Variants in AJAP1 observed in about 807,000 individuals in gnomAD.
The protein encoded by AJAP1 is adherens junctions associated protein 1, also known as adherens junction-associated protein 1.
Under a neutral mutation model 35.0 loss-of-function variants are expected in AJAP1, and 5 were observed. That is an observed-to-expected ratio of 0.14 (90% CI 0.07 to 0.30). AJAP1 has a LOEUF of 0.30. Among genes scored for constraint, AJAP1 ranks in the 10% least tolerant of loss-of-function variants. AJAP1 has a pLI of 1.00. For missense variants in AJAP1, 586 were observed against 571.0 expected, an observed-to-expected ratio of 1.03 and a Z score of -0.27; for synonymous variants, 284 against 249.3, an observed-to-expected ratio of 1.14 and a Z score of -1.31.
In AJAP1 at chr1:4,692,149, G is replaced by A. The variant is rs1488731986; in HGVS notation, c.30-19751G>A. Among the ~76,000 whole-genome samples, 1 of 152,124 alleles carries A rather than the reference G, an allele frequency of 6.6e-6. No homozygotes were observed. Among genetic ancestry groups the A allele is most frequent in the Non-Finnish European group, 1.5e-5 (1 of 68,008 alleles). The stretch of plus-strand genomic sequence containing the variant: ...ATCTCTGCATCGTTGCCGCCTTCTC[G>A]AGGGTTAGGAGTCAGCCCCGCTTAA... On this transcript the variant is annotated intron_variant, in intron 1 of 5. Coordinates refer to ENST00000378191, the MANE Select transcript of AJAP1 (RefSeq NM_018836.4). This position sits in a 1 kb window ranked among gnomAD's most constrained non-coding sequence, Gnocchi z 4.4.
chr1:4,762,281 CCCTCAGGAATGT>C (rs1395820802), intron 2 of AJAP1, among the ~76,000 whole-genome samples: 11 of 152,340 alleles, frequency 7.2e-5, no homozygotes, highest in Admixed American at 3.9e-4. Context: ...GCCCCCAATT[CCCTCAGGAATGT>C]CCTCAGGAAT....
intron 2 of AJAP1, among the ~76,000 whole-genome samples, chr1:4,730,319 A>C (rs1026977834): frequency 3.3e-5 from 5 of 152,198 alleles, no homozygotes; most frequent in African/African-American, 1.2e-4. Context: ...TGGGGAAACA[A>C]AATAGCACAC....
chr1:4,765,075 C>T (rs951638469), intron 2 of AJAP1, among the ~76,000 whole-genome samples: 3 of 152,182 alleles, frequency 2.0e-5, no homozygotes, highest in African/African-American at 7.2e-5. Flanking sequence ...ATTCCTCACG[C>T]ATTAGTATAC....
intron 2 of AJAP1, among the ~76,000 whole-genome samples, chr1:4,742,175 G>A (rs1203893059): frequency 3.3e-5 from 5 of 152,158 alleles, no homozygotes; most frequent in African/African-American, 1.2e-4. Context: ...CGCAAAGCCA[G>A]GGAGTGACTT....
At chr1:4,674,415 C>A (rs1333817234) in intron 1 of AJAP1, among the ~76,000 whole-genome samples, 1 of 152,238 alleles carries the variant, frequency 6.6e-6, no homozygotes, top group African/African-American at 2.4e-5. Flanking sequence ...AGGGGCATGC[C>A]CACTGATTTT....
chr1:4,661,382 C>G (rs992897837), intron 1 of AJAP1, among the ~76,000 whole-genome samples: 1 of 152,248 alleles, frequency 6.6e-6, no homozygotes, highest in East Asian at 1.9e-4. Context: ...CCACTCCACC[C>G]TCATGTTCCT....
intron 5 of AJAP1, among the ~76,000 whole-genome samples, chr1:4,781,875 G>T (rs1021928720): frequency 6.6e-6 from 1 of 152,198 alleles, no homozygotes; most frequent in Admixed American, 6.5e-5. Context: ...TGGCTGGGTG[G>T]GAGCCGCCCC....
At chr1:4,778,667 A>G (rs1641988541) in intron 5 of AJAP1, among the ~76,000 whole-genome samples, 1 of 151,784 alleles carries the variant, frequency 6.6e-6, no homozygotes, top group Admixed American at 6.5e-5. Flanking sequence ...CCTGAGACAC[A>G]GAGTAGAGAG....
At chr1:4,677,345 T>C (rs72637574) in intron 1 of AJAP1, among the ~76,000 whole-genome samples, 2,871 of 152,136 alleles carry the variant, frequency 0.019, 42 homozygotes, top group Middle Eastern at 0.031. Flanking sequence ...CTCCTAAAGG[T>C]TGAGGATTCT....
At chr1:4,664,485 G>T (rs1280257756) in intron 1 of AJAP1, among the ~76,000 whole-genome samples, 1 of 152,174 alleles carries the variant, frequency 6.6e-6, no homozygotes, top group Non-Finnish European at 1.5e-5. Context: ...AGCCTGTCCG[G>T]GTGGTTGGGC....
chr1:4,761,437 C>A (rs1422703506), intron 2 of AJAP1, among the ~76,000 whole-genome samples: 1 of 152,172 alleles, frequency 6.6e-6, no homozygotes, highest in East Asian at 1.9e-4. Context: ...GTCCTAGGGT[C>A]AGGGGACATG....
intron 2 of AJAP1, among the ~76,000 whole-genome samples, chr1:4,742,287 C>A (rs369758995): frequency 1.3e-5 from 2 of 152,164 alleles, no homozygotes; most frequent in South Asian, 2.1e-4. Flanking sequence ...TGATTGGAGT[C>A]GCTGAGAACA....
rs1640495347 is a variant in AJAP1, at chr1:4,720,660, C to T, written c.829+7961C>T. Among the ~76,000 whole-genome samples, 1 of 152,202 alleles carries T rather than the reference C, an allele frequency of 6.6e-6. No homozygotes were observed. Among genetic ancestry groups the T allele is most frequent in the African/African-American group, 2.4e-5 (1 of 41,450 alleles). ...ACTGAGCGCCATAGTGAGCATGCAG[C>T]CCCTAGAGTTGAGTCAGGTCTTAAA... On this transcript the variant is annotated intron_variant, in intron 2 of 5. Transcript: ENST00000378191. This position sits in a 1 kb window ranked among gnomAD's most constrained non-coding sequence, Gnocchi z 4.4.
At chr1:4,778,784 G>C (rs980172041) in intron 5 of AJAP1, among the ~76,000 whole-genome samples, 1 of 152,164 alleles carries the variant, frequency 6.6e-6, no homozygotes, top group African/African-American at 2.4e-5. Context: ...GTGGCTCCCT[G>C]CATCAGCATC....
chr1:4,665,405 A>G (rs889286415), intron 1 of AJAP1, among the ~76,000 whole-genome samples: 2 of 152,064 alleles, frequency 1.3e-5, no homozygotes, highest in Admixed American at 6.5e-5. Flanking sequence ...TTTACTGCCC[A>G]TTACTACCCT....
chr1:4,730,232 G>A (rs776626318), intron 2 of AJAP1, among the ~76,000 whole-genome samples: 17 of 152,330 alleles, frequency 1.1e-4, no homozygotes, highest in Non-Finnish European at 2.1e-4. Flanking sequence ...GGAGGAGACA[G>A]GGAGCAAACA....
chr1:4,740,878 A>T (rs1570179025), intron 2 of AJAP1, among the ~76,000 whole-genome samples: 1 of 151,934 alleles, frequency 6.6e-6, no homozygotes, highest in Admixed American at 6.6e-5. Context: ...AAAAAGAGAA[A>T]GGATCTGCCA....
At chr1:4,672,725 C>T (rs1639276411) in intron 1 of AJAP1, among the ~76,000 whole-genome samples, 1 of 152,184 alleles carries the variant, frequency 6.6e-6, no homozygotes, top group Non-Finnish European at 1.5e-5. Context: ...CATCCCTGTC[C>T]CCAGAGCTGT....
At chr1:4,754,404 C>T (rs1224228321) in intron 2 of AJAP1, among the ~76,000 whole-genome samples, 1 of 152,172 alleles carries the variant, frequency 6.6e-6, no homozygotes, top group Non-Finnish European at 1.5e-5. Context: ...GCAGTTTCTC[C>T]TGTAGCAGAG....
Sources: gnomAD v4.1 joint callset for allele counts (sites outside exome capture counted in the v4.1 genomes callset) on GRCh38, gnomAD v4.1.1 for gene constraint, Gnocchi (gnomAD v3.1) non-coding constraint, MANE v1.5 for transcripts, NCBI Gene and HGNC (gene_info 2026-07-23, HGNC 2026-07-21) for gene names.